The following COL14A1 variants were observed in gnomAD, a reference collection of about 807,000 sequenced individuals.
COL14A1 encodes the protein collagen type XIV alpha 1 chain.
In COL14A1, 136 loss-of-function variants were observed where a neutral mutation model predicts 230.3. The ratio of observed to expected loss-of-function variants is 0.59; its 90% CI spans 0.51 to 0.68. The LOEUF is 0.68. Ranked by LOEUF, COL14A1 falls within the 30% of genes least tolerant of loss-of-function variation. COL14A1 has a pLI of 0.00. For synonymous variants in COL14A1, 792 were observed against 784.1 expected (o/e 1.01, Z -0.17); for missense variants, 1,976 against 2,215.8 (o/e 0.89, Z 2.17).
chr8:120,290,285 A>T (rs140568862), intron 34 of COL14A1, among the ~76,000 whole-genome samples: 19 of 152,298 alleles, frequency 1.2e-4, no homozygotes, highest in African/African-American at 4.3e-4. Context: ...TATTGTGATT[A>T]TTGAGTAACA....
intron 5 of COL14A1, among the ~76,000 whole-genome samples, chr8:120,189,165 T>C (rs1301851496): frequency 6.6e-6 from 1 of 152,224 alleles, no homozygotes; most frequent in Admixed American, 6.5e-5. Context: ...TTAAATTACC[T>C]CTTTGTACCA....
chr8:120,260,341 TTAAC>T (rs1563702110), intron 23 of COL14A1, among the ~76,000 whole-genome samples: 1 of 152,114 alleles, frequency 6.6e-6, no homozygotes, highest in African/African-American at 2.4e-5. Flanking sequence ...GGATGGCAAT[TTAAC>T]TAGGTTTGAT....
At chr8:120,249,066 A>G (rs1201741904) in intron 21 of COL14A1, among the ~76,000 whole-genome samples, 3 of 148,382 alleles carry the variant, frequency 2.0e-5, no homozygotes, top group Non-Finnish European at 3.0e-5. Context: ...AGCTGGGACT[A>G]CAGGCGCCCG....
At chr8:120,280,866 C>A in intron 30 of COL14A1, 55 bp from the exon 31 acceptor site, 5 of 1,487,250 alleles carry the variant, frequency 3.4e-6, no homozygotes, top group Non-Finnish European at 4.5e-6. Context: ...ATTTAAAATT[C>A]TAAAGTGCCA....
intron 1 of COL14A1, among the ~76,000 whole-genome samples, chr8:120,136,925 G>T (rs1392191118): frequency 8.4e-6 from 1 of 119,348 alleles, no homozygotes; most frequent in Non-Finnish European, 1.6e-5. Context: ...TTGCGCCACT[G>T]CACTCCAGCC....
At chr8:120,341,170 G>A (rs931624460) in intron 42 of COL14A1, among the ~76,000 whole-genome samples, 155 bp from the exon 43 acceptor site, 1 of 152,262 alleles carries the variant, frequency 6.6e-6, no homozygotes, top group South Asian at 2.1e-4. Context: ...TGTGCGTACT[G>A]GTTGCTGTTT....
rs1047238478 is a variant in COL14A1, at chr8:120,336,939, C to G, written c.4785+4204C>G. Among the ~76,000 whole-genome samples, 3 of 152,274 alleles carry G rather than the reference C, an allele frequency of 2.0e-5. No individual in the cohort carries two copies. In the East Asian group the frequency reaches 5.8e-4, roughly 29 times the overall value. On this transcript the variant is annotated intron_variant, in intron 42 of 47. Coordinates refer to ENST00000297848, the MANE Select transcript of COL14A1 (RefSeq NM_021110.4). ...TCCTGTGTAAAGCCACCTGTCCCTTCGCAGGCTGTTAGGTACTGCATTTCA... is the reference window on the plus strand; with the variant it reads ...TCCTGTGTAAAGCCACCTGTCCCTTGGCAGGCTGTTAGGTACTGCATTTCA...
At chr8:120,328,118 G>A (rs1439754637) in intron 40 of COL14A1, among the ~76,000 whole-genome samples, 1 of 152,160 alleles carries the variant, frequency 6.6e-6, no homozygotes, top group Non-Finnish European at 1.5e-5. Context: ...TAGGAATATA[G>A]CGATGAATAA....
chr8:120,315,861 G>A (rs1344105624), intron 39 of COL14A1, 83 bp from the exon 40 acceptor site: 3 of 1,377,342 alleles, frequency 2.2e-6, no homozygotes, highest in Non-Finnish European at 3.1e-6. Flanking sequence ...TTGTTTGGAG[G>A]CCTTCATCTA....
chr8:120,349,173 G>T (rs988204364), intron 45 of COL14A1, among the ~76,000 whole-genome samples: 1 of 151,952 alleles, frequency 6.6e-6, no homozygotes, highest in African/African-American at 2.4e-5. Flanking sequence ...GCAGCTGAGG[G>T]TCCTGTCTGT....
intron 5 of COL14A1, among the ~76,000 whole-genome samples, chr8:120,173,278 C>T (rs1019385947): frequency 5.9e-5 from 9 of 152,032 alleles, no homozygotes; most frequent in African/African-American, 1.2e-4. Flanking sequence ...ATTTGCTAGG[C>T]GGGAACTATT....
intron 5 of COL14A1, among the ~76,000 whole-genome samples, chr8:120,170,304 A>G (rs1816055873): frequency 2.0e-5 from 3 of 152,000 alleles, no homozygotes. Flanking sequence ...ATATCCAAGT[A>G]CTGCTTGAGC....
At chr8:120,267,111 T>A in intron 25 of COL14A1, 1 of 465,174 alleles carries the variant, frequency 2.1e-6, no homozygotes, top group Non-Finnish European at 3.8e-6. Context: ...AATACTATTT[T>A]TTTTGAAATA....
chr8:120,143,024 C>T (rs1814963418), intron 1 of COL14A1, among the ~76,000 whole-genome samples: 1 of 152,194 alleles, frequency 6.6e-6, no homozygotes, highest in Non-Finnish European at 1.5e-5. Flanking sequence ...GGCTTTTGCA[C>T]TTAAAGCTAC....
intron 5 of COL14A1, among the ~76,000 whole-genome samples, chr8:120,180,610 G>C (rs1178229050): frequency 6.6e-6 from 1 of 151,648 alleles, no homozygotes; most frequent in Non-Finnish European, 1.5e-5. Context: ...TTCTTGGTAG[G>C]GTTCCTACAA....
intron 22 of COL14A1, 33 bp from the exon 23 acceptor site, chr8:120,255,207 G>A: frequency 6.6e-7 from 1 of 1,521,356 alleles, no homozygotes; most frequent in Non-Finnish European, 9.1e-7. Flanking sequence ...GTTGTCTGCG[G>A]TGTGATACAG....
intron 33 of COL14A1, among the ~76,000 whole-genome samples, chr8:120,287,396 A>G (rs1250503117): frequency 1.3e-5 from 2 of 152,142 alleles, no homozygotes; most frequent in East Asian, 3.8e-4. Context: ...TGGCATGTTT[A>G]TTTTCTTGGT....
At chr8:120,248,316 G>A (rs867951893) in intron 21 of COL14A1, among the ~76,000 whole-genome samples, 2 of 152,108 alleles carry the variant, frequency 1.3e-5, no homozygotes, top group Middle Eastern at 3.4e-3. Context: ...TATCTTGAAG[G>A]CATGAAAATG....
At chr8:120,285,561 C>T (rs1187471561) in intron 32 of COL14A1, among the ~76,000 whole-genome samples, 2 of 151,068 alleles carry the variant, frequency 1.3e-5, no homozygotes, top group Non-Finnish European at 2.9e-5. Flanking sequence ...CTACTTCCAG[C>T]TTTGGACAGT....
Sources: gnomAD v4.1 joint callset for allele counts (sites outside exome capture counted in the v4.1 genomes callset) on GRCh38, gnomAD v4.1.1 for gene constraint, MANE v1.5 for transcripts, NCBI Gene and HGNC (gene_info 2026-07-23, HGNC 2026-07-21) for gene names.